The following CNOT6 variants were observed in gnomAD, a reference collection of about 807,000 sequenced individuals.
CNOT6 encodes the protein CCR4-NOT transcription complex subunit 6, also known as carbon catabolite repression 4 protein.
Under a neutral mutation model 61.2 loss-of-function variants are expected in CNOT6, and 12 were observed. The observed-to-expected ratio is 0.20, with a 90% CI of 0.13 to 0.32. CNOT6 has a LOEUF of 0.32. Ranked by LOEUF, CNOT6 falls within the 10% of genes least tolerant of loss-of-function variation. CNOT6 has a pLI of 1.00. For missense variants in CNOT6, 405 were observed against 663.9 expected (o/e 0.61, Z 4.28); for synonymous variants, 225 against 240.6 (o/e 0.94, Z 0.60).
At position 180,576,572 on chromosome 5, in the gene CNOT6, G is replaced by A. The variant is rs1761008257; in HGVS notation, c.*2372G>A. The A allele has an allele frequency of 6.6e-6, 1 of 152,594 alleles. No homozygotes were observed. The highest frequency in any genetic ancestry group is 2.1e-4 in the South Asian group (1 of 4,832). 9.5% of individuals were successfully genotyped at this position (152,594 alleles called of 1,614,324 possible). A position where few individuals can be genotyped will look rare whatever the true frequency, so the allele number is the denominator to read the frequency against. On this transcript the variant is annotated 3_prime_UTR_variant, in exon 12 of 12. Transcript: ENST00000261951. ...GCCTCTTCCAGGCATACTGCATTCT[G>A]TGGATCAGTTTGAACAGCTTCTCCA...
chr5:180,566,874 G>A (rs1053133201), intron 7 of CNOT6, among the ~76,000 whole-genome samples: 1 of 151,668 alleles, frequency 6.6e-6, no homozygotes, highest in Non-Finnish European at 1.5e-5. Flanking sequence ...GCTTGGTCTG[G>A]AACTCCTGGG....
At chr5:180,518,831 C>A (rs955611802) in intron 1 of CNOT6, among the ~76,000 whole-genome samples, 35 of 152,194 alleles carry the variant, frequency 2.3e-4, no homozygotes, top group African/African-American at 8.4e-4. Context: ...TAAACGCGCT[C>A]TTTCTCTGAA....
At chr5:180,531,331 CCT>C (rs772838469) in intron 2 of CNOT6, among the ~76,000 whole-genome samples, 1 of 150,664 alleles carries the variant, frequency 6.6e-6, no homozygotes, top group Non-Finnish European at 1.5e-5. Context: ...CAGAGACACT[CCT>C]CAGTTCCCAG....
intron 10 of CNOT6, 22 bp downstream of exon 10, chr5:180,569,362 A>T: frequency 6.7e-7 from 1 of 1,488,642 alleles, no homozygotes; most frequent in South Asian, 1.2e-5. Flanking sequence ...ATGTGATTTT[A>T]TGTAGAATAT....
chr5:180,518,334 G>A (rs6898169), intron 1 of CNOT6, among the ~76,000 whole-genome samples: 69,872 of 151,842 alleles, frequency 0.46, 17,218 homozygotes, highest in Non-Finnish European at 0.56. Context: ...CTTTTGATTG[G>A]CCATTTTACA....
At chr5:180,555,867 T>G (rs369244098) in intron 4 of CNOT6, among the ~76,000 whole-genome samples, 2 of 152,212 alleles carry the variant, frequency 1.3e-5, no homozygotes, top group Admixed American at 6.5e-5. Context: ...TCTTTGAAGT[T>G]GTTGCAGAAT....
chr5:180,509,831 T>G (rs1176630697), intron 1 of CNOT6, among the ~76,000 whole-genome samples: 1 of 149,450 alleles, frequency 6.7e-6, no homozygotes, highest in Non-Finnish European at 1.5e-5. Flanking sequence ...CCTTGGTGTT[T>G]TTTTTTTTTT....
chr5:180,554,602 A>ATG (rs1759787601), intron 4 of CNOT6, among the ~76,000 whole-genome samples: 1 of 41,992 alleles, frequency 2.4e-5, no homozygotes, highest in Admixed American at 3.5e-4. Flanking sequence ...ATGGTTTGTA[A>ATG]TTTTTTTTCT....
intron 1 of CNOT6, among the ~76,000 whole-genome samples, chr5:180,526,762 G>A (rs1374884031): frequency 6.6e-6 from 1 of 152,088 alleles, no homozygotes; most frequent in African/African-American, 2.4e-5. Flanking sequence ...AAGAATAAAA[G>A]CGAGACAAGA....
chr5:180,570,751 G>A (rs1388899970), intron 10 of CNOT6, among the ~76,000 whole-genome samples: 1 of 152,196 alleles, frequency 6.6e-6, no homozygotes, highest in East Asian at 1.9e-4. Context: ...CCAGGGATGT[G>A]GACGTTTGGC....
intron 2 of CNOT6, among the ~76,000 whole-genome samples, chr5:180,542,664 C>T (rs1759105519): frequency 6.6e-6 from 1 of 152,194 alleles, no homozygotes; most frequent in Non-Finnish European, 1.5e-5. Context: ...GCTAATCACC[C>T]ACGTGATTTC....
At chr5:180,499,605 A>G (rs535210562) in intron 1 of CNOT6, among the ~76,000 whole-genome samples, 1 of 152,378 alleles carries the variant, frequency 6.6e-6, no homozygotes, top group Non-Finnish European at 1.5e-5. Context: ...TGCAGTAGAA[A>G]TGACTTACAA....
In CNOT6 at chr5:180,565,989, A is replaced by G. The variant is rs1760432741; in HGVS notation, c.717+12A>G. On this transcript the variant is annotated intron_variant, in intron 7 of 11. Coordinates refer to ENST00000261951, the MANE Select transcript of CNOT6 (RefSeq NM_001370472.1). ...TCGTAAGTCTTCAGGTAAGTCAGAC[A>G]GAAGACAGTCAACCTAGCATTGATA... is the stretch of plus-strand genomic sequence containing the variant. The G allele has an allele frequency of 1.2e-6, 2 of 1,607,698 alleles. No homozygotes were observed. The highest frequency in any genetic ancestry group is 1.7e-6 in the Non-Finnish European group (2 of 1,176,170).
chr5:180,556,055 A>G (rs1422165862), intron 4 of CNOT6, among the ~76,000 whole-genome samples: 1 of 152,194 alleles, frequency 6.6e-6, no homozygotes, highest in Non-Finnish European at 1.5e-5. Flanking sequence ...ATACAGAACA[A>G]TCCTATCCCC....
Position 180,519,560 on chromosome 5 carries a change from T to C in CNOT6, c.-2-9715T>C, listed in dbSNP as rs76701693. On this transcript the variant is annotated intron_variant, in intron 1 of 11. Transcript: ENST00000261951. ...AAATTTACATAAAATGCAATGTACA[T>C]GTACACCTTAAATGTATAATTTGAG... is the stretch of plus-strand genomic sequence containing the variant. Among the ~76,000 whole-genome samples the C allele has an allele frequency of 1.3e-3, 202 of 152,346 alleles. 1 individual carries two copies. The East Asian group carries it at 0.029, about 22-fold the overall frequency.
At chr5:180,565,769 T>C (rs1233527932) in intron 6 of CNOT6, 51 bp from the exon 7 acceptor site, 2 of 1,468,504 alleles carry the variant, frequency 1.4e-6, no homozygotes, top group East Asian at 2.3e-5. Flanking sequence ...AAATTAATTA[T>C]ATATTTTTTT....
Position 180,538,692 on chromosome 5 carries a change from A to ATATGTG in CNOT6, c.112+9307_112+9308insGTGTAT, listed in dbSNP as rs140761918. ...GACTCTGTCTGAGAAAAAGGTATAT[A>ATATGTG]TATATATATATATATATATATATAC... On this transcript the variant is annotated intron_variant, in intron 2 of 11. Transcript: ENST00000261951. 2.6e-3 allele frequency among the ~76,000 whole-genome samples: 94 copies of ATATGTG among 36,056 alleles called. 3 individuals carry two copies. The highest frequency in any genetic ancestry group is 0.017 in the Middle Eastern group (1 of 60). 23.7% of individuals were successfully genotyped at this position (36,056 alleles called of 152,430 possible).
chr5:180,529,435 T>A, intron 2 of CNOT6, 47 bp downstream of exon 2: 3 of 1,147,032 alleles, frequency 2.6e-6, no homozygotes, highest in African/African-American at 1.5e-5. Context: ...TAAGATATGG[T>A]AGTAAACTGA....
At chr5:180,571,842 CGTGA>C (rs1432753723) in intron 11 of CNOT6, among the ~76,000 whole-genome samples, 1 of 152,114 alleles carries the variant, frequency 6.6e-6, no homozygotes, top group Non-Finnish European at 1.5e-5. Context: ...GGATTACAGG[CGTGA>C]ACCACTGTGC....
Sources: gnomAD v4.1 joint callset for allele counts (sites outside exome capture counted in the v4.1 genomes callset) on GRCh38, gnomAD v4.1.1 for gene constraint, MANE v1.5 for transcripts, NCBI Gene and HGNC (gene_info 2026-07-23, HGNC 2026-07-21) for gene names.